The following LUZP2 variants were observed in gnomAD, a reference collection of about 807,000 sequenced individuals.
LUZP2 encodes the protein leucine zipper protein 2.
LUZP2 carries 52 observed loss-of-function variants against 51.6 expected under a neutral mutation model. That is an observed-to-expected ratio of 1.01 (90% CI 0.81 to 1.27). The LOEUF is 1.27. LUZP2 is among the 50% of genes most tolerant of loss of function. LUZP2 has a pLI of 0.00. For synonymous variants in LUZP2, 154 were observed against 137.3 expected (o/e 1.12, Z -0.85); for missense variants, 436 against 395.4 (o/e 1.10, Z -0.87).
chr11:24,913,180 A>G (rs1319266055), intron 6 of LUZP2, among the ~76,000 whole-genome samples: 1 of 152,176 alleles, frequency 6.6e-6, no homozygotes, highest in Non-Finnish European at 1.5e-5. Flanking sequence ...TATTACACTG[A>G]ATCTTCATCC....
chr11:24,926,587 GTGTGTATATATA>G lies in LUZP2; in HGVS notation c.522+12055_522+12066del, dbSNP rs1336950450. ...TGTATATATATACGTGTATATATAT[GTGTGTATATATA>G]TGTGTGTATATATGTATATATATAT... On this transcript the variant is annotated intron_variant, in intron 7 of 11. Coordinates refer to ENST00000336930, the MANE Select transcript of LUZP2 (RefSeq NM_001009909.4). Among the ~76,000 whole-genome samples the G allele has an allele frequency of 7.3e-4, 107 of 146,686 alleles. 11 individuals are homozygous for G. Among genetic ancestry groups the G allele is most frequent in the African/African-American group, 2.5e-5 (1 of 39,868 alleles).
intron 1 of LUZP2, among the ~76,000 whole-genome samples, chr11:24,619,012 ATTT>A (rs1854397678): frequency 1.0e-5 from 1 of 98,422 alleles, no homozygotes; most frequent in African/African-American, 4.7e-5. Flanking sequence ...AGCATTATTT[ATTT>A]ATTTATTTAT....
In LUZP2 at chr11:24,920,693, TA is replaced by T. The variant is rs557045612; in HGVS notation, c.522+6166del. Among the ~76,000 whole-genome samples, 42 of 140,710 alleles carry T rather than the reference TA, an allele frequency of 3.0e-4. 1 individual carries two copies. Among genetic ancestry groups the T allele is most frequent in the East Asian group, 2.3e-3 (11 of 4,834 alleles). The allele number at this position is 140,710 out of a possible 152,430, so 92.3% of individuals were successfully genotyped here. A position where few individuals can be genotyped will look rare whatever the true frequency, so the allele number is the denominator to read the frequency against. Reference sequence around the variant, plus strand: ...AAGTGAAACAACCCAGACACAGAAATAAAAAAAAAAACCTGCATGTTCTCAC... The same window carrying T: ...AAGTGAAACAACCCAGACACAGAAATAAAAAAAAAACCTGCATGTTCTCAC... On this transcript the variant is annotated intron_variant, in intron 7 of 11. Coordinates refer to ENST00000336930, the MANE Select transcript of LUZP2 (RefSeq NM_001009909.4).
rs375170102 is a variant in LUZP2 at position 25,075,750 on chromosome 11, G to A, written c.859-1579G>A. Among the ~76,000 whole-genome samples the A allele has an allele frequency of 9.3e-4, 141 of 152,116 alleles. 1 individual carries two copies. Among genetic ancestry groups the A allele is most frequent in the South Asian group, 4.6e-3 (22 of 4,820 alleles). On this transcript the variant is annotated intron_variant, in intron 10 of 11. Coordinates refer to ENST00000336930, the MANE Select transcript of LUZP2 (RefSeq NM_001009909.4). ...GTAGCACACACATGGGCAGAGAAAC[G>A]TACAGATACATGGTTTGTGTTCATT...
At chr11:25,021,664 A>G (rs1857337468) in intron 9 of LUZP2, among the ~76,000 whole-genome samples, 1 of 152,070 alleles carries the variant, frequency 6.6e-6, no homozygotes, top group Non-Finnish European at 1.5e-5. Context: ...AAGACCCAGG[A>G]ATTTTCATGT....
At chr11:24,995,147 T>C (rs917366470) in intron 9 of LUZP2, among the ~76,000 whole-genome samples, 1 of 152,152 alleles carries the variant, frequency 6.6e-6, no homozygotes, top group Admixed American at 6.5e-5. Flanking sequence ...CCAACACTTT[T>C]GGAGGCCGAG....
At chr11:24,517,239 A>G (rs1226302611) in intron 1 of LUZP2, among the ~76,000 whole-genome samples, 1 of 151,994 alleles carries the variant, frequency 6.6e-6, no homozygotes, top group Non-Finnish European at 1.5e-5. Flanking sequence ...TAACCCCAGC[A>G]CTTTGGGAGG....
intron 1 of LUZP2, among the ~76,000 whole-genome samples, chr11:24,562,818 C>T (rs572521451): frequency 4.0e-5 from 6 of 148,484 alleles, no homozygotes; most frequent in South Asian, 2.1e-4. Context: ...GCCGAGATCA[C>T]GCCACTGCAC....
Position 25,050,291 on chromosome 11 carries a change from C to CTTTTTTTTTTTTTTTTT in LUZP2, c.858+173_858+189dup, listed in dbSNP as rs71044331. On this transcript the variant is annotated intron_variant, in intron 10 of 11. Transcript: ENST00000336930. Reference sequence around the variant, plus strand: ...TAAGAAAGTAAATGTTCTTTATGTTCTTTTTTTTTTTTTTTTTTTTTTTTT... The same window carrying CTTTTTTTTTTTTTTTTT: ...TAAGAAAGTAAATGTTCTTTATGTTCTTTTTTTTTTTTTTTTTTTTTTTTTTTTTTTTTTTTTTTTTT... Among the ~76,000 whole-genome samples, 4 of 77,158 alleles carry CTTTTTTTTTTTTTTTTT rather than the reference C, an allele frequency of 5.2e-5. 1 individual carries two copies. Among genetic ancestry groups the CTTTTTTTTTTTTTTTTT allele is most frequent in the Non-Finnish European group, 9.7e-5 (4 of 41,342 alleles). 50.6% of individuals were successfully genotyped at this position (77,158 alleles called of 152,430 possible). A position where few individuals can be genotyped will look rare whatever the true frequency, so the allele number is the denominator to read the frequency against.
At chr11:24,528,038 T>C (rs1317809571) in intron 1 of LUZP2, among the ~76,000 whole-genome samples, 1 of 151,292 alleles carries the variant, frequency 6.6e-6, no homozygotes, top group African/African-American at 2.4e-5. Flanking sequence ...TAAGTGACTA[T>C]TATTGAGAAT....
At chr11:24,515,633 G>T (rs1850440226) in intron 1 of LUZP2, among the ~76,000 whole-genome samples, 1 of 152,100 alleles carries the variant, frequency 6.6e-6, no homozygotes, top group Non-Finnish European at 1.5e-5. Flanking sequence ...TCAAAACGTA[G>T]ACGGAACTTT....
At chr11:24,730,480 C>A (rs532125381) in intron 2 of LUZP2, among the ~76,000 whole-genome samples, 1 of 151,502 alleles carries the variant, frequency 6.6e-6, no homozygotes, top group Admixed American at 6.6e-5. Flanking sequence ...CAGGAATCAT[C>A]GTGTTATGAT....
intron 5 of LUZP2, among the ~76,000 whole-genome samples, chr11:24,801,231 T>A (rs1298298782): frequency 6.6e-6 from 1 of 152,048 alleles, no homozygotes; most frequent in Non-Finnish European, 1.5e-5. Context: ...AATTTTAAAA[T>A]CATTGTTGGT....
At chr11:24,523,928 C>A (rs548923466) in intron 1 of LUZP2, among the ~76,000 whole-genome samples, 1 of 151,614 alleles carries the variant, frequency 6.6e-6, no homozygotes, top group Admixed American at 6.6e-5. Context: ...CTGTGTCCAG[C>A]CTCTTTGAAA....
intron 9 of LUZP2, 97 bp from the exon 10 acceptor site, chr11:25,049,941 C>A: frequency 5.6e-6 from 3 of 538,228 alleles, no homozygotes; most frequent in Non-Finnish European, 6.3e-6. Context: ...AATATTATAT[C>A]ATGTGTTACA....
intron 1 of LUZP2, among the ~76,000 whole-genome samples, chr11:24,522,114 AACTT>A (rs1422404816): frequency 1.3e-5 from 2 of 152,176 alleles, no homozygotes. Context: ...TATGGAGAGA[AACTT>A]AAATAAAGTG....
chr11:24,547,539 C>A (rs1198963556), intron 1 of LUZP2, among the ~76,000 whole-genome samples: 1 of 151,898 alleles, frequency 6.6e-6, no homozygotes, highest in Admixed American at 6.6e-5. Context: ...AATAGGACCC[C>A]TTCCTTTTAC....
chr11:24,925,859 G>GC (rs1360344440), intron 7 of LUZP2, among the ~76,000 whole-genome samples: 2 of 151,954 alleles, frequency 1.3e-5, no homozygotes, highest in Non-Finnish European at 2.9e-5. Context: ...AGAGTACACT[G>GC]TACCCAATGT....
intron 7 of LUZP2, among the ~76,000 whole-genome samples, chr11:24,923,117 G>A (rs1565114109): frequency 6.6e-6 from 1 of 151,564 alleles, no homozygotes; most frequent in Non-Finnish European, 1.5e-5. Context: ...CAAAGTTCTG[G>A]GATGACCGGC....
Sources: allele counts gnomAD v4.1 joint callset (sites outside exome capture counted in the v4.1 genomes callset), GRCh38; gene constraint gnomAD v4.1.1; transcripts MANE v1.5; gene names NCBI Gene and HGNC (gene_info 2026-07-23, HGNC 2026-07-21).